The following ROBO2 variants were observed in gnomAD, a reference collection of about 807,000 sequenced individuals.
ROBO2 encodes the protein roundabout homolog 2.
Under a neutral mutation model 160.8 loss-of-function variants are expected in ROBO2, and 53 were observed. The observed-to-expected ratio is 0.33, with a 90% CI of 0.26 to 0.41. The LOEUF is 0.41. ROBO2 is among the 10% of genes least tolerant of loss of function. ROBO2 has a pLI of 1.00. For missense variants in ROBO2, 1,577 were observed against 1,722.4 expected, an observed-to-expected ratio of 0.92 and a Z score of 1.49; for synonymous variants, 664 against 611.7, an observed-to-expected ratio of 1.09 and a Z score of -1.26.
chr3:76,795,125 G>A (rs568942749), intron 2 of ROBO2, among the ~76,000 whole-genome samples: 6 of 152,128 alleles, frequency 3.9e-5, no homozygotes, highest in African/African-American at 1.4e-4. Flanking sequence ...ATAATTCGTA[G>A]CTGAAAACTG....
chr3:77,324,154 A>C (rs998204282), intron 2 of ROBO2, among the ~76,000 whole-genome samples: 3 of 152,172 alleles, frequency 2.0e-5, no homozygotes, highest in Admixed American at 6.6e-5. Flanking sequence ...CACAGTCTCC[A>C]TGATAAAAGT....
intron 2 of ROBO2, among the ~76,000 whole-genome samples, chr3:77,430,078 C>A (rs1480475378): frequency 6.6e-6 from 1 of 152,078 alleles, no homozygotes; most frequent in Non-Finnish European, 1.5e-5. Context: ...AAACCCAAGC[C>A]TGGAGTGATT....
intron 6 of ROBO2, among the ~76,000 whole-genome samples, chr3:77,538,098 G>A (rs2092251049): frequency 7.9e-6 from 1 of 126,228 alleles, no homozygotes; most frequent in Admixed American, 8.6e-5. Context: ...AGGATTTATT[G>A]CCATGGACTC....
chr3:76,090,830 A>G (rs1174795552), intron 2 of ROBO2, among the ~76,000 whole-genome samples: 1 of 152,214 alleles, frequency 6.6e-6, no homozygotes, highest in Non-Finnish European at 1.5e-5. Context: ...TGAAGGAGTG[A>G]AGGCAATACA....
intron 2 of ROBO2, among the ~76,000 whole-genome samples, chr3:76,546,201 G>T (rs754007802): frequency 2.6e-5 from 4 of 151,856 alleles, no homozygotes; most frequent in Non-Finnish European, 5.9e-5. Flanking sequence ...TCTTCCATCA[G>T]AAATCTAAAT....
intron 2 of ROBO2, among the ~76,000 whole-genome samples, chr3:77,236,653 G>A (rs574825920): frequency 6.6e-6 from 1 of 152,234 alleles, no homozygotes; most frequent in East Asian, 1.9e-4. Flanking sequence ...GTATCATACA[G>A]AATAATTCCA....
intron 2 of ROBO2, among the ~76,000 whole-genome samples, chr3:76,334,337 A>G (rs1395938125): frequency 5.3e-5 from 8 of 152,116 alleles, no homozygotes; most frequent in Non-Finnish European, 1.2e-4. Context: ...CACCTCCAGA[A>G]ATGCTTGGGA....
intron 2 of ROBO2, among the ~76,000 whole-genome samples, chr3:76,597,759 C>G (rs1322460275): frequency 2.0e-5 from 3 of 151,294 alleles, no homozygotes; most frequent in Non-Finnish European, 4.4e-5. Flanking sequence ...GTGTTTTCAT[C>G]ATTTAGCTCC....
intron 2 of ROBO2, among the ~76,000 whole-genome samples, chr3:76,904,990 T>C (rs893017283): frequency 1.3e-5 from 2 of 152,216 alleles, no homozygotes; most frequent in Non-Finnish European, 2.9e-5. Flanking sequence ...AAGTTTTTTG[T>C]TTGTTTTTAG....
At chr3:76,536,399 C>T (rs954130460) in intron 2 of ROBO2, among the ~76,000 whole-genome samples, 13 of 152,136 alleles carry the variant, frequency 8.5e-5, no homozygotes, top group Admixed American at 3.3e-4. Flanking sequence ...AAGAATAAGA[C>T]GGCCTTCTGG....
At chr3:77,588,267 T>A (rs1445511285) in intron 16 of ROBO2, among the ~76,000 whole-genome samples, 1 of 152,064 alleles carries the variant, frequency 6.6e-6, no homozygotes, top group Admixed American at 6.6e-5. Context: ...TCAAAATAAG[T>A]TCTTTGGTAG....
chr3:77,395,215 A>G (rs6548507), intron 2 of ROBO2, among the ~76,000 whole-genome samples: 85,690 of 151,946 alleles, frequency 0.56, 24,300 homozygotes, highest in East Asian at 0.66. Context: ...ACTGTGTTCA[A>G]GCATTCTTAT....
chr3:77,474,282 G>C (rs147783459), intron 2 of ROBO2, among the ~76,000 whole-genome samples: 1 of 152,236 alleles, frequency 6.6e-6, no homozygotes, highest in African/African-American at 2.4e-5. Flanking sequence ...TACCATAGCG[G>C]TGTTAGGCAA....
chr3:77,322,783 ATAATATATTATG>A (rs2064866482), intron 2 of ROBO2, among the ~76,000 whole-genome samples: 1 of 135,772 alleles, frequency 7.4e-6, no homozygotes, highest in Non-Finnish European at 1.5e-5. Flanking sequence ...CATATGTATT[ATAATATATTATG>A]TAATATATTA....
At chr3:77,482,462 G>A (rs2084820346) in intron 4 of ROBO2, among the ~76,000 whole-genome samples, 1 of 152,148 alleles carries the variant, frequency 6.6e-6, no homozygotes, top group Non-Finnish European at 1.5e-5. Context: ...GTACCAGAAT[G>A]CAGGCCTCTC....
intron 2 of ROBO2, among the ~76,000 whole-genome samples, chr3:76,357,890 T>A (rs1486964164): frequency 6.7e-6 from 1 of 148,650 alleles, no homozygotes; most frequent in Non-Finnish European, 1.5e-5. Flanking sequence ...ATCTAAACTT[T>A]AAAATATATA....
At chr3:76,534,710 A>G (rs914172268) in intron 2 of ROBO2, among the ~76,000 whole-genome samples, 1 of 152,064 alleles carries the variant, frequency 6.6e-6, no homozygotes, top group African/African-American at 2.4e-5. Context: ...CCAAACCAGG[A>G]GATACTTAAA....
intron 2 of ROBO2, among the ~76,000 whole-genome samples, chr3:76,538,422 C>G (rs763588155): frequency 3.3e-5 from 5 of 152,100 alleles, no homozygotes; most frequent in Non-Finnish European, 7.4e-5. Flanking sequence ...TAATAACTAA[C>G]CACCTGTGCC....
chr3:77,531,928 T>C (rs901378692), intron 6 of ROBO2, among the ~76,000 whole-genome samples: 1 of 152,158 alleles, frequency 6.6e-6, no homozygotes, highest in African/African-American at 2.4e-5. Flanking sequence ...AGCTACTTTA[T>C]GCAGAGTCCC....
Sources: allele counts gnomAD v4.1 joint callset (sites outside exome capture counted in the v4.1 genomes callset), GRCh38; gene constraint gnomAD v4.1.1; transcripts MANE v1.5; gene names NCBI Gene and HGNC (gene_info 2026-07-23, HGNC 2026-07-21).